Variants in PRR4 observed in about 807,000 individuals in gnomAD.
PRR4 encodes proline rich 4, also known as proline-rich protein 4.
Under a neutral mutation model 7.6 loss-of-function variants are expected in PRR4, and 7 were observed. The observed-to-expected ratio is 0.92, with a 90% CI of 0.52 to 1.73. PRR4 has a LOEUF of 1.73. PRR4 is among the 40% of genes most tolerant of loss of function. PRR4 has a pLI of 0.00. For missense variants in PRR4, 187 were observed against 161.0 expected, an observed-to-expected ratio of 1.16 and a Z score of -0.87; for synonymous variants, 64 against 58.5, an observed-to-expected ratio of 1.09 and a Z score of -0.43.
At chr12:10,848,718 T>G in intron 1 of PRR4, 2 of 306,466 alleles carry the variant, frequency 6.5e-6, no homozygotes, top group Non-Finnish European at 1.2e-5. Flanking sequence ...GATCTTTACC[T>G]TCTTCCTTCT....
chr12:10,846,200 T>G (rs1171297847), intron 3 of PRR4, among the ~76,000 whole-genome samples: 1 of 152,136 alleles, frequency 6.6e-6, no homozygotes, highest in Admixed American at 6.5e-5. Flanking sequence ...AGTGGTTGAC[T>G]GAGGAAATCA....
chr12:10,845,873 G>A lies in PRR4; in HGVS notation c.*96C>T, dbSNP rs151029213. On this transcript the variant is annotated 3_prime_UTR_variant, in exon 4 of 4. Transcript: ENST00000228811. The stretch of plus-strand genomic sequence containing the variant: ...ATTGCATGCTATTAATATTTTATTG[G>A]TATACTGAAGAAAGAGTTATGACCA... 4.5e-6 allele frequency: 5 copies of A among 1,112,848 alleles called. No homozygotes were observed. The highest frequency in any genetic ancestry group is 3.5e-6 in the Non-Finnish European group (3 of 847,394). The allele number at this position is 1,112,848 out of a possible 1,614,324, so 68.9% of individuals were successfully genotyped here.
chr12:10,846,735 C>CAA (rs1448114038), intron 3 of PRR4, among the ~76,000 whole-genome samples: 1 of 152,050 alleles, frequency 6.6e-6, no homozygotes, highest in African/African-American at 2.4e-5. Context: ...AAGGCAGACT[C>CAA]AAAGACAGGA....
chr12:10,847,507 G>GTT, intron 2 of PRR4, 140 bp from the exon 3 acceptor site: 21 of 467,656 alleles, frequency 4.5e-5, no homozygotes, highest in South Asian at 9.6e-5. Context: ...TGTGCCCACT[G>GTT]TTTTTTTTTT....
In PRR4 at chr12:10,847,300, A is replaced by C; in HGVS notation, c.168T>G (p.Pro56=). 1 of 1,601,764 alleles carries C rather than the reference A, an allele frequency of 6.2e-7. No individual in the cohort carries two copies. Among genetic ancestry groups the C allele is most frequent in the Non-Finnish European group, 8.5e-7 (1 of 1,171,986 alleles). ...PQRPPPEGLL[P]RPPGDSGNQD... ...GGTTACCACTATCACCAGGGGGTCT[A>C]GGTAGGAGTCCTTCAGGAGGAGGTC... is the stretch of plus-strand genomic sequence containing the variant. Residue 56 remains proline, a synonymous_variant, in exon 3 of 4, where the codon CCT becomes CCG. Transcript: ENST00000228811.
rs767517424 is a variant in PRR4, at chr12:10,848,399, A to T, written c.73T>A (p.Tyr25Asn). The T allele has an allele frequency of 9.9e-6, 16 of 1,611,238 alleles. No homozygotes were observed. In the South Asian group the frequency reaches 1.8e-4, roughly 18 times the overall value. Residue 25 changes from tyrosine to asparagine, a missense_variant, in exon 2 of 4, where the codon TAT becomes AAT. Tyr to Asn is a moderately radical substitution (Grantham distance 143, BLOSUM62 -2). Transcript: ENST00000228811. ...SAQSTDNDVN[Y>N]EDFTFTIPDV... is the part of the protein sequence containing the mutation. Reference sequence around the variant, plus strand: ...GGTATGGTGAAAGTAAAGTCTTCATAGTTCACATCTAGGAAAAGAAGCACA... The same window carrying T: ...GGTATGGTGAAAGTAAAGTCTTCATTGTTCACATCTAGGAAAAGAAGCACA...
At chr12:10,848,870 A>T (rs144629621) in intron 1 of PRR4, 1 of 159,770 alleles carries the variant, frequency 6.3e-6, no homozygotes, top group East Asian at 1.9e-4. Context: ...TGGGGACCTG[A>T]TATTTCTATA....
chr12:10,847,444 T>A (rs1054270293), intron 2 of PRR4, 77 bp from the exon 3 acceptor site: 12 of 1,155,356 alleles, frequency 1.0e-5, no homozygotes, highest in Admixed American at 2.5e-5. Flanking sequence ...TTCTCTCACC[T>A]TACCACACAG....
At chr12:10,847,547 G>A (rs973834737) in intron 2 of PRR4, among the ~76,000 whole-genome samples, 180 bp from the exon 3 acceptor site, 9 of 149,578 alleles carry the variant, frequency 6.0e-5, no homozygotes, top group South Asian at 4.2e-4. Context: ...CTTAATCCAT[G>A]TAAGAGTGAT....
chr12:10,849,192 G>C, intron 1 of PRR4, 182 bp downstream of exon 1: 1 of 327,350 alleles, frequency 3.1e-6, no homozygotes, highest in Non-Finnish European at 5.7e-6. Flanking sequence ...GGCATGGAAT[G>C]AGGGCACAAC....
intron 3 of PRR4, 111 bp from the exon 4 acceptor site, chr12:10,846,061 A>G: frequency 1.3e-6 from 1 of 749,888 alleles, no homozygotes; most frequent in Admixed American, 4.2e-5. Context: ...CAAGATTAAG[A>G]AAACAGATTT....
At chr12:10,847,022 T>G (rs1287678764) in intron 3 of PRR4, 23 bp downstream of exon 3, 1 of 1,505,228 alleles carries the variant, frequency 6.6e-7, no homozygotes, top group African/African-American at 1.4e-5. Flanking sequence ...GGGCATTTAA[T>G]GGAGAATGAA....
intron 1 of PRR4, 33 bp from the exon 2 acceptor site, chr12:10,848,440 T>TAA: frequency 1.2e-6 from 2 of 1,603,172 alleles, no homozygotes; most frequent in Non-Finnish European, 1.7e-6. Context: ...AAGTGAACAT[T>TAA]ACCTCATAAA....
intron 1 of PRR4, 79 bp downstream of exon 1, chr12:10,849,295 T>A: frequency 2.4e-6 from 2 of 816,536 alleles, no homozygotes; most frequent in Non-Finnish European, 3.7e-6. Context: ...TGGTGTAGGG[T>A]GAACCCCTGA....
chr12:10,849,336 A>T, intron 1 of PRR4, 38 bp downstream of exon 1: 1 of 1,402,470 alleles, frequency 7.1e-7, no homozygotes, highest in South Asian at 1.3e-5. Flanking sequence ...CCCTCATCCC[A>T]CTCCCCATCT....
intron 1 of PRR4, 71 bp downstream of exon 1, chr12:10,849,301 CCT>C (rs1949064608): frequency 3.3e-6 from 3 of 904,512 alleles, no homozygotes; most frequent in Non-Finnish European, 4.9e-6. Flanking sequence ...AGGGTGAACC[CCT>C]GAGGCCCTAG....
Position 10,845,934 on chromosome 12 carries a change from ATCT to A in PRR4, c.*32_*34del, listed in dbSNP as rs750457861. On this transcript the variant is annotated 3_prime_UTR_variant, in exon 4 of 4. Transcript: ENST00000228811. Reference sequence around the variant, plus strand: ...ATGTCATGGCTTTCTGAAGGAAGTTATCTTCTTATTTATTTTCTGAAACAAAAA... The same window carrying A: ...ATGTCATGGCTTTCTGAAGGAAGTTATCTTATTTATTTTCTGAAACAAAAA... 6.7e-6 allele frequency: 9 copies of A among 1,335,264 alleles called. No individual in the cohort carries two copies. The highest frequency in any genetic ancestry group is 1.9e-4 in the Middle Eastern group (1 of 5,260). 82.7% of individuals were successfully genotyped at this position (1,335,264 alleles called of 1,614,324 possible).
Position 10,847,332 on chromosome 12 carries a change from G to A in PRR4, c.136C>T (p.Pro46Ser). 1 of 1,563,358 alleles carries A rather than the reference G, an allele frequency of 6.4e-7. No homozygotes were observed. The highest frequency in any genetic ancestry group is 1.2e-5 in the South Asian group (1 of 83,480). ...AGTCCTTCAGGAGGAGGTCTCTGGG[G>A]TCCCTGATCTGGTCTCTGACTTGAG... ...EDSSQRPDQGPQRPPPEGLLP... is the reference protein window; with the variant it reads ...EDSSQRPDQGSQRPPPEGLLP... The change falls in exon 3 of 4, where the codon CCC becomes TCC. Residue 46 changes from proline (P) to serine (S), a missense_variant. Physicochemically the swap from Pro to Ser is moderately conservative, Grantham distance 74. Coordinates refer to ENST00000228811, the MANE Select transcript of PRR4 (RefSeq NM_007244.3).
intron 2 of PRR4, among the ~76,000 whole-genome samples, chr12:10,847,622 T>TGCA (rs1949037937): frequency 6.6e-6 from 1 of 151,256 alleles, no homozygotes; most frequent in African/African-American, 2.4e-5. Flanking sequence ...GAGGGGTTCT[T>TGCA]GCATATCTTA....
Sources: gnomAD v4.1 joint callset for allele counts (sites outside exome capture counted in the v4.1 genomes callset) on GRCh38, gnomAD v4.1.1 for gene constraint, MANE v1.5 for transcripts, NCBI Gene and HGNC (gene_info 2026-07-23, HGNC 2026-07-21) for gene names.